RAP1A: variants seen among roughly 807,000 people sequenced by gnomAD.
RAP1A encodes the protein ras-related protein Rap-1A.
A neutral mutation model predicts 26.4 loss-of-function variants in RAP1A; 6 were observed. That is an observed-to-expected ratio of 0.23 (90% CI 0.12 to 0.45). RAP1A has a LOEUF of 0.45. Ranked by LOEUF, RAP1A falls within the 20% of genes least tolerant of loss-of-function variation. RAP1A has a pLI of 0.99. For synonymous variants in RAP1A, 73 were observed against 79.4 expected, an observed-to-expected ratio of 0.92 and a Z score of 0.43; for missense variants, 121 against 217.2, an observed-to-expected ratio of 0.56 and a Z score of 2.78.
intron 1 of RAP1A, among the ~76,000 whole-genome samples, chr1:111,685,945 T>C (rs1014319473): frequency 6.6e-6 from 1 of 152,128 alleles, no homozygotes; most frequent in Non-Finnish European, 1.5e-5. Flanking sequence ...TATGCAGCCA[T>C]GAAAGAGAAT....
At chr1:111,612,282 C>CCTCAGGAATCCTTGA (rs1300961791) in intron 1 of RAP1A, among the ~76,000 whole-genome samples, 2 of 152,168 alleles carry the variant, frequency 1.3e-5, no homozygotes, top group Non-Finnish European at 2.9e-5. Context: ...AACTTCCTTG[C>CCTCAGGAATCCTTGA]CTCAGGAATC....
rs549296394 is a variant in RAP1A, at chr1:111,653,647, C to T, written c.-28+33713C>T. Reference sequence around the variant, plus strand: ...GCAGTGAGCCGAGATCACGCCATTGCACTCCAGCCTGGGCTACAAGAGCGA... The same window carrying T: ...GCAGTGAGCCGAGATCACGCCATTGTACTCCAGCCTGGGCTACAAGAGCGA... On this transcript the variant is annotated intron_variant, in intron 1 of 7. Coordinates refer to ENST00000369709, the MANE Select transcript of RAP1A (RefSeq NM_002884.4). Among the ~76,000 whole-genome samples the T allele has an allele frequency of 1.0e-4, 14 of 135,226 alleles. No homozygotes were observed. In the Admixed American group the frequency reaches 1.2e-3, roughly 11 times the overall value. 88.7% of individuals were successfully genotyped at this position (135,226 alleles called of 152,430 possible).
intron 1 of RAP1A, among the ~76,000 whole-genome samples, chr1:111,595,880 C>G (rs1443361615): frequency 1.3e-5 from 2 of 152,176 alleles, no homozygotes; most frequent in African/African-American, 4.8e-5. Flanking sequence ...GTGCTCCATA[C>G]TAAGCACTTC....
At chr1:111,645,838 A>G (rs1317774658) in intron 1 of RAP1A, among the ~76,000 whole-genome samples, 1 of 152,190 alleles carries the variant, frequency 6.6e-6, no homozygotes, top group African/African-American at 2.4e-5. Flanking sequence ...CTTAACTACT[A>G]AGCTACACTG....
At chr1:111,663,228 G>A (rs568775966) in intron 1 of RAP1A, among the ~76,000 whole-genome samples, 1 of 152,096 alleles carries the variant, frequency 6.6e-6, no homozygotes, top group Non-Finnish European at 1.5e-5. Flanking sequence ...CTTTGTTTTT[G>A]ATCAGAGGTT....
At chr1:111,592,716 C>T (rs1233659193) in intron 1 of RAP1A, among the ~76,000 whole-genome samples, 8 of 152,148 alleles carry the variant, frequency 5.3e-5, no homozygotes, top group Non-Finnish European at 4.4e-5. Context: ...TGTTTCCTTC[C>T]CGTTGTTGCT....
At chr1:111,618,735 C>T (rs372522484), upstream of RAP1A, among the ~76,000 whole-genome samples, 1 of 152,142 alleles carries the variant, frequency 6.6e-6, no homozygotes, top group African/African-American at 2.4e-5. Context: ...TCATCAGGCC[C>T]GAACCTAAGA....
chr1:111,552,372 C>T (rs1657301067), intron 1 of RAP1A, among the ~76,000 whole-genome samples: 1 of 152,210 alleles, frequency 6.6e-6, no homozygotes. Flanking sequence ...TCTGTCCCTC[C>T]TATGAAGACT....
At chr1:111,706,617 A>C (rs1662202415) in intron 6 of RAP1A, 1 of 712,616 alleles carries the variant, frequency 1.4e-6, no homozygotes, top group Non-Finnish European at 1.7e-6. Flanking sequence ...AACCCAATTT[A>C]GGAATGGGAG....
chr1:111,598,499 A>G (rs1390702509), intron 1 of RAP1A, among the ~76,000 whole-genome samples: 1 of 152,014 alleles, frequency 6.6e-6, no homozygotes, highest in Non-Finnish European at 1.5e-5. Context: ...AAAACTGTTG[A>G]GGAGCACTTT....
intron 7 of RAP1A, 107 bp downstream of exon 7, chr1:111,709,371 G>A: frequency 7.9e-7 from 1 of 1,267,926 alleles, no homozygotes; most frequent in Non-Finnish European, 1.0e-6. Context: ...CTAAGCTTCT[G>A]TAACTTGTAA....
chr1:111,549,182 T>C (rs1224551164), intron 1 of RAP1A, among the ~76,000 whole-genome samples: 3 of 152,180 alleles, frequency 2.0e-5, no homozygotes, highest in East Asian at 1.9e-4. Flanking sequence ...TAGGGTAATA[T>C]TGGTCTTATA....
At chr1:111,607,843 C>G (rs1452825727) in intron 1 of RAP1A, among the ~76,000 whole-genome samples, 2 of 114,416 alleles carry the variant, frequency 1.7e-5, no homozygotes, top group Admixed American at 9.2e-5. Context: ...CCCTCCCGGA[C>G]GGGGCGGCTG....
chr1:111,691,243 A>G, intron 1 of RAP1A, 91 bp from the exon 2 acceptor site: 4 of 845,554 alleles, frequency 4.7e-6, no homozygotes, highest in Non-Finnish European at 6.9e-6. Context: ...AAGGAAAAAA[A>G]CAAAACAAAC....
chr1:111,637,307 A>G (rs1659755593), intron 1 of RAP1A, among the ~76,000 whole-genome samples: 2 of 152,210 alleles, frequency 1.3e-5, no homozygotes, highest in African/African-American at 2.4e-5. Flanking sequence ...AGTAATACCA[A>G]GTTCACTGTA....
At chr1:111,629,292 AAG>A (rs1557871129) in intron 1 of RAP1A, among the ~76,000 whole-genome samples, 1 of 152,294 alleles carries the variant, frequency 6.6e-6, no homozygotes, top group East Asian at 1.9e-4. Context: ...TAATTAAAAA[AAG>A]AGAGTTTGCA....
At chr1:111,607,563 G>A (rs1233946127) in intron 1 of RAP1A, among the ~76,000 whole-genome samples, 1 of 151,014 alleles carries the variant, frequency 6.6e-6, no homozygotes, top group African/African-American at 2.4e-5. Flanking sequence ...CGGGCAGAGG[G>A]GCTCCTCACT....
chr1:111,594,590 G>A (rs9661769), intron 1 of RAP1A, among the ~76,000 whole-genome samples: 28 of 51,622 alleles, frequency 5.4e-4, no homozygotes, highest in African/African-American at 1.3e-3. Context: ...GGAAGGAAGG[G>A]AGGGAGGAAG....
intron 1 of RAP1A, among the ~76,000 whole-genome samples, chr1:111,544,411 T>C (rs1483830209): frequency 6.6e-6 from 1 of 152,192 alleles, no homozygotes; most frequent in Non-Finnish European, 1.5e-5. Flanking sequence ...TCTGTCTCTA[T>C]GGATTTGACT....
Sources: allele counts gnomAD v4.1 joint callset (sites outside exome capture counted in the v4.1 genomes callset), GRCh38; gene constraint gnomAD v4.1.1; transcripts MANE v1.5; gene names NCBI Gene and HGNC (gene_info 2026-07-23, HGNC 2026-07-21).